Variants in DDX60L observed in about 807,000 individuals in gnomAD.
DDX60L encodes the protein probable ATP-dependent RNA helicase DDX60-like.
A neutral mutation model predicts 211.6 loss-of-function variants in DDX60L; 191 were observed. That is an observed-to-expected ratio of 0.90 (90% CI 0.80 to 1.02). The LOEUF is 1.02. DDX60L is among the 50% of genes least tolerant of loss of function. The pLI, the probability that DDX60L is intolerant of heterozygous loss-of-function variation, is 0.00. For missense variants in DDX60L, 2,007 were observed against 1,984.1 expected (o/e 1.01, Z -0.22); for synonymous variants, 706 against 694.1 (o/e 1.02, Z -0.27).
At chr4:168,469,089 T>A (rs1399579228) in intron 4 of DDX60L, 3 of 152,176 alleles carry the variant, frequency 2.0e-5, no homozygotes, top group Non-Finnish European at 4.4e-5. Flanking sequence ...ATTCTAAAAT[T>A]CGTGTGGAAA....
chr4:168,461,983 T>C lies in DDX60L; in HGVS notation c.322A>G (p.Ile108Val), dbSNP rs746752906. 11 of 1,613,184 alleles carry C rather than the reference T, an allele frequency of 6.8e-6. 1 individual carries two copies. In the South Asian group the frequency reaches 1.2e-4, roughly 18 times the overall value. ...PELLSLRTALILHLQHNTNID... is the reference protein window; with the variant it reads ...PELLSLRTALVLHLQHNTNID... ...TTAGTATTGTGTTGAAGGTGGAGAATTAAAGCGGTCCTCAATGAAAGAAGT... is the reference window on the plus strand; with the variant it reads ...TTAGTATTGTGTTGAAGGTGGAGAACTAAAGCGGTCCTCAATGAAAGAAGT... The change falls in exon 5 of 38, where the codon ATT (isoleucine) becomes GTT (valine). Residue 108 changes from isoleucine (I) to valine (V), a missense_variant. Coordinates refer to ENST00000682922, the MANE Select transcript of DDX60L (RefSeq NM_001012967.3).
chr4:168,395,032 C>T (rs778661525), intron 27 of DDX60L, among the ~76,000 whole-genome samples: 3 of 152,182 alleles, frequency 2.0e-5, no homozygotes, highest in Non-Finnish European at 4.4e-5. Flanking sequence ...CTCACTGAAC[C>T]ACTCACAAGT....
intron 5 of DDX60L, among the ~76,000 whole-genome samples, chr4:168,459,774 GGGAAGGAAGGAA>G (rs70961524): frequency 6.1e-4 from 35 of 56,918 alleles, no homozygotes; most frequent in African/African-American, 1.9e-3. Flanking sequence ...GAAGGAAGGA[GGGAAGGAAGGAA>G]GGAAGGAAGG....
intron 36 of DDX60L, among the ~76,000 whole-genome samples, chr4:168,369,426 T>C (rs1446320710): frequency 6.6e-6 from 1 of 151,662 alleles, no homozygotes; most frequent in Non-Finnish European, 1.5e-5. Flanking sequence ...TTGCCCAGTC[T>C]TGGGTATGTC....
rs974960747 is a variant in DDX60L at position 168,406,181 on chromosome 4, A to G, written c.3085-103T>C. 3.3e-6 allele frequency: 4 copies of G among 1,206,192 alleles called. No individual in the cohort carries two copies. The African/African-American group carries it at 6.2e-5, about 19-fold the overall frequency. The allele number at this position is 1,206,192 out of a possible 1,614,324, so 74.7% of individuals were successfully genotyped here. A position where few individuals can be genotyped will look rare whatever the true frequency, so the allele number is the denominator to read the frequency against. Reference sequence around the variant, plus strand: ...TTACTTGTCTCCTTAACAAAATTGCAAACTCCTTGAGGGCAGAGGCTGTTG... The same window carrying G: ...TTACTTGTCTCCTTAACAAAATTGCGAACTCCTTGAGGGCAGAGGCTGTTG... On this transcript the variant is annotated intron_variant, in intron 23 of 37. Transcript: ENST00000682922.
At chr4:168,362,513 C>T (rs1351630409) in intron 36 of DDX60L, among the ~76,000 whole-genome samples, 1 of 152,186 alleles carries the variant, frequency 6.6e-6, no homozygotes, top group Non-Finnish European at 1.5e-5. Flanking sequence ...GGAGAGTCCA[C>T]CATACAGCCT....
chr4:168,462,274 T>C (rs1283365297), intron 4 of DDX60L, among the ~76,000 whole-genome samples: 1 of 152,232 alleles, frequency 6.6e-6, no homozygotes, highest in East Asian at 1.9e-4. Flanking sequence ...TCACTTCTAA[T>C]TCTTTTACTA....
intron 22 of DDX60L, among the ~76,000 whole-genome samples, chr4:168,414,282 TA>T (rs909427606): frequency 6.6e-6 from 1 of 151,906 alleles, no homozygotes; most frequent in Non-Finnish European, 1.5e-5. Flanking sequence ...CACCTGAAGG[TA>T]AAAAAACTTA....
At chr4:168,369,918 A>T (rs1740697124) in intron 36 of DDX60L, among the ~76,000 whole-genome samples, 1 of 152,126 alleles carries the variant, frequency 6.6e-6, no homozygotes, top group South Asian at 2.1e-4. Context: ...AGACAAAAGA[A>T]AGCAAGTGTT....
intron 4 of DDX60L, 52 bp from the exon 5 acceptor site, chr4:168,462,092 A>C: frequency 2.2e-6 from 3 of 1,339,208 alleles, no homozygotes; most frequent in Non-Finnish European, 3.1e-6. Context: ...TCCTTTACTT[A>C]TTTGTTAATT....
chr4:168,421,802 C>T lies in DDX60L; in HGVS notation c.2352G>A (p.Arg784=), dbSNP rs1750676057. The T allele has an allele frequency of 6.2e-7, 1 of 1,614,196 alleles. No homozygotes were observed. Among genetic ancestry groups the T allele is most frequent in the Non-Finnish European group, 8.5e-7 (1 of 1,180,036 alleles). ...ASYYCMEKVL[R]ESDVGVVVYV... is the part of the protein sequence containing the mutation. ...ACACAACCACCCCGACATCGCTCTCCCTCAGCACTTTCTCCATGCAGTAGT... is the reference window on the plus strand; with the variant it reads ...ACACAACCACCCCGACATCGCTCTCTCTCAGCACTTTCTCCATGCAGTAGT... The change falls in exon 17 of 38, where the codon AGG becomes AGA. Residue 784 remains arginine, a synonymous_variant. Transcript: ENST00000682922.
At chr4:168,376,708 C>G (rs115812652) in intron 33 of DDX60L, among the ~76,000 whole-genome samples, 5 of 152,178 alleles carry the variant, frequency 3.3e-5, no homozygotes, top group Non-Finnish European at 5.9e-5. Flanking sequence ...TGCTGGACAC[C>G]GTTCTAGGGC....
chr4:168,405,077 T>C (rs1205868707), intron 24 of DDX60L, among the ~76,000 whole-genome samples: 1 of 152,088 alleles, frequency 6.6e-6, no homozygotes, highest in Non-Finnish European at 1.5e-5. Context: ...GGCATGATCT[T>C]GGCTCACTGC....
chr4:168,379,707 A>T lies in DDX60L; in HGVS notation c.4221+19T>A. On this transcript the variant is annotated intron_variant, in intron 31 of 37. Transcript: ENST00000682922. ...ACGGTACTAGTTACAGAGAACAAAA[A>T]GCCAAAGCACGATGATACCTCTTTG... 1 of 1,598,062 alleles carries T rather than the reference A, an allele frequency of 6.3e-7. No homozygotes were observed. The highest frequency in any genetic ancestry group is 8.6e-7 in the Non-Finnish European group (1 of 1,167,750).
At chr4:168,446,219 A>G (rs1024638829) in intron 9 of DDX60L, among the ~76,000 whole-genome samples, 1 of 152,184 alleles carries the variant, frequency 6.6e-6, no homozygotes, top group Non-Finnish European at 1.5e-5. Context: ...AATCACCAGC[A>G]TTCTTAAACA....
chr4:168,446,352 T>C (rs1754792777), intron 9 of DDX60L, among the ~76,000 whole-genome samples: 1 of 152,118 alleles, frequency 6.6e-6, no homozygotes, highest in Admixed American at 6.5e-5. Flanking sequence ...CAAGGAGAAC[T>C]ACAAACCACT....
rs1750798363 is a variant in DDX60L, at chr4:168,422,525, T to C, written c.2243A>G (p.Gln748Arg). 6.2e-7 allele frequency: 1 copy of C among 1,606,916 alleles called. No individual in the cohort carries two copies. Among genetic ancestry groups the C allele is most frequent in the African/African-American group, 1.3e-5 (1 of 74,546 alleles). The change falls in exon 16 of 38, where the codon CAG (glutamine) becomes CGG (arginine). Residue 748 changes from glutamine to arginine, a missense_variant and splice_region_variant. Transcript: ENST00000682922. ...AAGTACAATGTTTGTTGTCATTACC[T>C]GCCATGCGTTGGGAATAAAATCCTG... Reference protein sequence around the residue: ...RVQDFIPNAWQQELLDVVDKN... With the variant: ...RVQDFIPNAWRQELLDVVDKN...
chr4:168,406,592 C>A lies in DDX60L; in HGVS notation c.3084+10G>T, dbSNP rs1316216374. 3 of 1,551,692 alleles carry A rather than the reference C, an allele frequency of 1.9e-6. No individual in the cohort carries two copies. Among genetic ancestry groups the A allele is most frequent in the Non-Finnish European group, 2.6e-6 (3 of 1,139,852 alleles). On this transcript the variant is annotated intron_variant, in intron 23 of 37. Transcript: ENST00000682922. ...AGTTCATTTTGGTGAATATATATTT[C>A]TATATTTACCTGAGCCCTGGGCCAA...
intron 33 of DDX60L, among the ~76,000 whole-genome samples, chr4:168,377,346 A>T (rs1225106861): frequency 1.3e-5 from 2 of 151,168 alleles, no homozygotes; most frequent in East Asian, 1.9e-4. Context: ...AAATAAAAAT[A>T]TCTTCTTTCC....
Sources: allele counts gnomAD v4.1 joint callset (sites outside exome capture counted in the v4.1 genomes callset), GRCh38; gene constraint gnomAD v4.1.1; transcripts MANE v1.5; gene names NCBI Gene and HGNC (gene_info 2026-07-23, HGNC 2026-07-21).